Variants in LUZP2 observed in about 807,000 individuals in gnomAD.
LUZP2 encodes leucine zipper protein 2.
A neutral mutation model predicts 51.6 loss-of-function variants in LUZP2; 52 were observed. The observed-to-expected ratio is 1.01, with a 90% CI of 0.81 to 1.27. The LOEUF is 1.27. LUZP2 is among the 50% of genes most tolerant of loss of function. The probability of loss-of-function intolerance (pLI) is 0.00; values close to 1 mark genes in which losing one functional copy is unlikely to be tolerated. For synonymous variants in LUZP2, 154 were observed against 137.3 expected (o/e 1.12, Z -0.85); for missense variants, 436 against 395.4 (o/e 1.10, Z -0.87).
intron 9 of LUZP2, among the ~76,000 whole-genome samples, chr11:25,018,053 T>G (rs369206143): frequency 3.9e-5 from 2 of 51,294 alleles, no homozygotes; most frequent in Non-Finnish European, 5.0e-5. Context: ...TTTTTGTTTT[T>G]TTTTTTGCAG....
intron 5 of LUZP2, among the ~76,000 whole-genome samples, chr11:24,834,299 C>T (rs1301746022): frequency 3.3e-5 from 5 of 151,996 alleles, no homozygotes; most frequent in Admixed American, 6.6e-5. Context: ...CCTGTGTCCA[C>T]GTGTTCTCAT....
intron 5 of LUZP2, among the ~76,000 whole-genome samples, chr11:24,790,507 T>C (rs996066729): frequency 1.3e-5 from 2 of 152,024 alleles, no homozygotes; most frequent in Admixed American, 6.6e-5. Context: ...TTTATTTATT[T>C]ATTTATTTTT....
At chr11:25,073,411 G>A (rs1859211557) in intron 10 of LUZP2, among the ~76,000 whole-genome samples, 1 of 152,158 alleles carries the variant, frequency 6.6e-6, no homozygotes, top group Non-Finnish European at 1.5e-5. Context: ...CTGTGTGGAG[G>A]AAGTGCTGGG....
chr11:25,027,168 A>T (rs1012272171), intron 9 of LUZP2, among the ~76,000 whole-genome samples: 1 of 152,130 alleles, frequency 6.6e-6, no homozygotes, highest in Admixed American at 6.6e-5. Flanking sequence ...AAAATAAATC[A>T]TTGCTAAATT....
intron 1 of LUZP2, among the ~76,000 whole-genome samples, chr11:24,680,791 C>T (rs1029819731): frequency 2.0e-5 from 3 of 152,054 alleles, no homozygotes; most frequent in Non-Finnish European, 4.4e-5. Flanking sequence ...GGAATCAAGG[C>T]TCAGAATCTA....
intron 5 of LUZP2, among the ~76,000 whole-genome samples, chr11:24,896,274 A>C (rs1318502395): frequency 6.6e-6 from 1 of 151,984 alleles, no homozygotes; most frequent in Non-Finnish European, 1.5e-5. Flanking sequence ...CTCTGCTTGC[A>C]GGGAGGTGTG....
intron 7 of LUZP2, among the ~76,000 whole-genome samples, chr11:24,949,288 T>TTATC (rs201078923): frequency 0.035 from 4,958 of 141,262 alleles, 112 homozygotes; most frequent in East Asian, 0.079. Context: ...ATTATCTAGA[T>TTATC]TATCTATCTA....
chr11:24,863,472 C>G (rs1241365844), intron 5 of LUZP2, among the ~76,000 whole-genome samples: 1 of 151,924 alleles, frequency 6.6e-6, no homozygotes, highest in East Asian at 1.9e-4. Context: ...TTTCATTACT[C>G]CATTCATGTG....
At chr11:25,071,727 G>A (rs1183256040) in intron 10 of LUZP2, among the ~76,000 whole-genome samples, 1 of 151,408 alleles carries the variant, frequency 6.6e-6, no homozygotes, top group African/African-American at 2.4e-5. Context: ...TAAATGACGA[G>A]TTAACGGGTG....
intron 6 of LUZP2, among the ~76,000 whole-genome samples, chr11:24,909,717 T>C (rs1424232801): frequency 6.6e-6 from 1 of 152,182 alleles, no homozygotes. Context: ...CCCAGCCATG[T>C]GGAATTGTGA....
At chr11:24,851,728 C>T (rs1851400153) in intron 5 of LUZP2, among the ~76,000 whole-genome samples, 4 of 152,100 alleles carry the variant, frequency 2.6e-5, no homozygotes, top group Admixed American at 2.6e-4. Flanking sequence ...TAGAATTTGG[C>T]TGTGAATCCG....
intron 1 of LUZP2, among the ~76,000 whole-genome samples, chr11:24,514,821 T>C (rs2133785067): frequency 6.6e-6 from 1 of 152,260 alleles, no homozygotes; most frequent in Non-Finnish European, 1.5e-5. Context: ...GTCCTTGAGG[T>C]GAGGGCTGTT....
intron 9 of LUZP2, among the ~76,000 whole-genome samples, chr11:24,997,320 G>A (rs1352404771): frequency 5.9e-5 from 9 of 152,286 alleles, no homozygotes; most frequent in African/African-American, 1.9e-4. Context: ...TCTAACTGGT[G>A]TGAGATGGTA....
In LUZP2 at chr11:24,973,364, G is replaced by GTTGTTT. The variant is rs60764867; in HGVS notation, c.523-3225_523-3224insGTTTTT. 1.9e-3 allele frequency among the ~76,000 whole-genome samples: 199 copies of GTTGTTT among 102,974 alleles called. 4 individuals carry two copies. The highest frequency in any genetic ancestry group is 5.8e-3 in the African/African-American group (166 of 28,684). 67.6% of individuals were successfully genotyped at this position (102,974 alleles called of 152,430 possible). Reference sequence around the variant, plus strand: ...TAGCTAGTATTCTATATATTTATTAGTTTTTTTTTTTTTTTTCAAAAAAAC... The same window carrying GTTGTTT: ...TAGCTAGTATTCTATATATTTATTAGTTGTTTTTTTTTTTTTTTTTTTCAAAAAAAC... On this transcript the variant is annotated intron_variant, in intron 7 of 11. Transcript: ENST00000336930.
rs540623008 is a variant in LUZP2, at chr11:24,739,950, AAAG to A, written c.333+1651_333+1653del. On this transcript the variant is annotated intron_variant, in intron 4 of 11. Coordinates refer to ENST00000336930, the MANE Select transcript of LUZP2 (RefSeq NM_001009909.4). ...CTCACTGGATACCAAATGTTACATAAAAGAATAGACATATTTTTAGTATCAGCT... is the reference window on the plus strand; with the variant it reads ...CTCACTGGATACCAAATGTTACATAAAATAGACATATTTTTAGTATCAGCT... Among the ~76,000 whole-genome samples, 112 of 152,216 alleles carry A rather than the reference AAAG, an allele frequency of 7.4e-4. 1 individual carries two copies. The highest frequency in any genetic ancestry group is 2.6e-3 in the African/African-American group (109 of 41,554).
Position 25,079,644 on chromosome 11 carries a change from G to C in LUZP2, c.*986G>C, listed in dbSNP as rs1452520145. The C allele has an allele frequency of 6.6e-6, 1 of 152,072 alleles. No homozygotes were observed. Among genetic ancestry groups the C allele is most frequent in the African/African-American group, 2.4e-5 (1 of 41,422 alleles). 9.4% of individuals were successfully genotyped at this position (152,072 alleles called of 1,614,324 possible). A position where few individuals can be genotyped will look rare whatever the true frequency, so the allele number is the denominator to read the frequency against. On this transcript the variant is annotated 3_prime_UTR_variant, in exon 12 of 12. Transcript: ENST00000336930. ...TAGGAATATCACTAATCAAAAAAATGCACTCATGAATAATTGGAAGATAGC... is the reference window on the plus strand; with the variant it reads ...TAGGAATATCACTAATCAAAAAAATCCACTCATGAATAATTGGAAGATAGC...
intron 4 of LUZP2, among the ~76,000 whole-genome samples, chr11:24,762,681 C>T (rs1418840483): frequency 1.3e-5 from 2 of 152,062 alleles, no homozygotes; most frequent in Non-Finnish European, 2.9e-5. Context: ...TTACAAAGCA[C>T]TCGGGCAGGT....
Position 24,615,695 on chromosome 11 carries a change from A to G in LUZP2, c.63-113474A>G, listed in dbSNP as rs76221932. ...ATGTAATTGTTGGTTGTACAGTAGT[A>G]GCATGTTTAGTTTCAGCAGAATTTT... On this transcript the variant is annotated intron_variant, in intron 1 of 11. Coordinates refer to ENST00000336930, the MANE Select transcript of LUZP2 (RefSeq NM_001009909.4). 8.0e-4 allele frequency among the ~76,000 whole-genome samples: 121 copies of G among 152,138 alleles called. 2 individuals carry two copies. In the East Asian group the frequency reaches 0.022, roughly 28 times the overall value.
chr11:24,653,675 C>A (rs1218727930), intron 1 of LUZP2, among the ~76,000 whole-genome samples: 1 of 152,082 alleles, frequency 6.6e-6, no homozygotes, highest in East Asian at 1.9e-4. Context: ...CCTACTGCAC[C>A]TACCGCTGGG....
Sources: allele counts gnomAD v4.1 joint callset (sites outside exome capture counted in the v4.1 genomes callset), GRCh38; gene constraint gnomAD v4.1.1; transcripts MANE v1.5; gene names NCBI Gene and HGNC (gene_info 2026-07-23, HGNC 2026-07-21).